Variants in FRMD5 observed in about 807,000 individuals in gnomAD.
The protein encoded by FRMD5 is FERM domain containing 5.
Under a neutral mutation model 69.0 loss-of-function variants are expected in FRMD5, and 20 were observed. The observed-to-expected ratio is 0.29, with a 90% CI of 0.20 to 0.42. The LOEUF (loss-of-function observed/expected upper bound fraction) is 0.42, where lower values mean the gene tolerates loss of function less well. Among genes scored for constraint, FRMD5 ranks in the 10% least tolerant of loss-of-function variants. FRMD5 has a pLI of 1.00. For synonymous variants in FRMD5, 271 were observed against 260.1 expected, an observed-to-expected ratio of 1.04 and a Z score of -0.40; for missense variants, 595 against 708.6, an observed-to-expected ratio of 0.84 and a Z score of 1.82.
rs144117548 is a variant in FRMD5 at position 44,112,716 on chromosome 15, C to T, written c.102+82237G>A. ...TCATCGAGACCTCATGATCCACCCACCTCGGCCTCCCAAAGTGCTAGGATT... is the reference window on the plus strand; with the variant it reads ...TCATCGAGACCTCATGATCCACCCATCTCGGCCTCCCAAAGTGCTAGGATT... On this transcript the variant is annotated intron_variant, in intron 1 of 13. Coordinates refer to ENST00000417257, the MANE Select transcript of FRMD5 (RefSeq NM_032892.5). Among the ~76,000 whole-genome samples the T allele has an allele frequency of 7.3e-3, 1,111 of 152,214 alleles. 14 individuals are homozygous for T. Among genetic ancestry groups the T allele is most frequent in the African/African-American group, 0.026 (1,068 of 41,518 alleles).
At position 43,873,431 on chromosome 15, in the gene FRMD5, G is replaced by C; in HGVS notation, c.*454C>G. ...GCAGTGATGAGTCTACTGGAACCCA[G>C]TGGCACCAGCAGGAAAAGCTCCTGC... On this transcript the variant is annotated 3_prime_UTR_variant, in exon 14 of 14. Coordinates refer to ENST00000417257, the MANE Select transcript of FRMD5 (RefSeq NM_032892.5). The C allele has an allele frequency of 1.4e-6, 2 of 1,433,366 alleles. No homozygotes were observed. The allele number at this position is 1,433,366 out of a possible 1,614,324, so 88.8% of individuals were successfully genotyped here. A position where few individuals can be genotyped will look rare whatever the true frequency, so the allele number is the denominator to read the frequency against.
At chr15:43,965,071 T>C (rs2090271031) in intron 1 of FRMD5, among the ~76,000 whole-genome samples, 1 of 152,220 alleles carries the variant, frequency 6.6e-6, no homozygotes, top group Admixed American at 6.5e-5. Flanking sequence ...GGATAGAGCA[T>C]GGCCTGGGGA....
At chr15:43,899,634 A>G (rs1375417358) in intron 7 of FRMD5, among the ~76,000 whole-genome samples, 1 of 152,110 alleles carries the variant, frequency 6.6e-6, no homozygotes, top group Non-Finnish European at 1.5e-5. Flanking sequence ...CATACCACAA[A>G]CATCTCTTCT....
At chr15:44,130,270 A>G (rs1320184797) in intron 1 of FRMD5, among the ~76,000 whole-genome samples, 1 of 152,186 alleles carries the variant, frequency 6.6e-6, no homozygotes, top group Admixed American at 6.5e-5. Flanking sequence ...GGATTCGCCC[A>G]CTAGTCTGGG....
At chr15:43,986,838 T>C (rs767217535) in intron 1 of FRMD5, among the ~76,000 whole-genome samples, 14 of 152,096 alleles carry the variant, frequency 9.2e-5, no homozygotes, top group Non-Finnish European at 1.8e-4. Flanking sequence ...GTAGCAAGCC[T>C]GCATTGAGCA....
At chr15:43,993,357 T>G (rs1183880743) in intron 1 of FRMD5, among the ~76,000 whole-genome samples, 1 of 152,156 alleles carries the variant, frequency 6.6e-6, no homozygotes, top group African/African-American at 2.4e-5. Context: ...CATGCCCGGC[T>G]AATTTTTTTG....
chr15:43,936,149 C>G (rs540590516), intron 1 of FRMD5, among the ~76,000 whole-genome samples: 2 of 152,324 alleles, frequency 1.3e-5, no homozygotes, highest in African/African-American at 4.8e-5. Context: ...TGGTTCACAG[C>G]CCAGTGCCCT....
chr15:44,120,268 G>C (rs573983423), intron 1 of FRMD5, among the ~76,000 whole-genome samples: 1 of 152,154 alleles, frequency 6.6e-6, no homozygotes, highest in Admixed American at 6.5e-5. Flanking sequence ...GAATAGGAAA[G>C]AACTGTCTAG....
intron 1 of FRMD5, among the ~76,000 whole-genome samples, chr15:44,151,352 G>A (rs1157905833): frequency 2.0e-5 from 3 of 148,420 alleles, no homozygotes; most frequent in African/African-American, 5.0e-5. Flanking sequence ...AGCCAAGATC[G>A]CGCCACTGCA....
rs113684905 is a variant in FRMD5 at position 44,029,776 on chromosome 15, C to T, written c.103-105467G>A. Among the ~76,000 whole-genome samples, 1,042 of 152,194 alleles carry T rather than the reference C, an allele frequency of 6.8e-3. 14 individuals carry two copies. Among genetic ancestry groups the T allele is most frequent in the African/African-American group, 0.024 (993 of 41,512 alleles). On this transcript the variant is annotated intron_variant, in intron 1 of 13. Coordinates refer to ENST00000417257, the MANE Select transcript of FRMD5 (RefSeq NM_032892.5). ...AAACAGAACAGATGCTTAGAGATTC[C>T]GATTCAGTAGGTCTGGGGTGGAGCA...
chr15:44,006,124 G>T (rs930168714), intron 1 of FRMD5, among the ~76,000 whole-genome samples: 4 of 152,178 alleles, frequency 2.6e-5, no homozygotes, highest in African/African-American at 9.7e-5. Context: ...GGATAATGCA[G>T]CTGGTGACTT....
intron 1 of FRMD5, among the ~76,000 whole-genome samples, chr15:44,192,092 C>G (rs2078206983): frequency 6.6e-6 from 1 of 151,878 alleles, no homozygotes; most frequent in Admixed American, 6.6e-5. Flanking sequence ...TGTATACTTT[C>G]ATTTCTCATG....
rs2076867360 is a variant in FRMD5, at chr15:44,116,268, T to G, written c.102+78685A>C. Among the ~76,000 whole-genome samples, 4 of 151,594 alleles carry G rather than the reference T, an allele frequency of 2.6e-5. No individual in the cohort carries two copies. In the South Asian group the frequency reaches 6.3e-4, roughly 24 times the overall value. On this transcript the variant is annotated intron_variant, in intron 1 of 13. Coordinates refer to ENST00000417257, the MANE Select transcript of FRMD5 (RefSeq NM_032892.5). ...GGAGAGTTTTGTTTTGTTTTGTTTT[T>G]AAGAGACAGGGTCTGGCTGTTTCAC...
chr15:43,931,780 T>C (rs927741930), intron 1 of FRMD5, among the ~76,000 whole-genome samples: 5 of 152,238 alleles, frequency 3.3e-5, no homozygotes, highest in Admixed American at 6.5e-5. Context: ...TGATGGATCC[T>C]GAGGTAGACA....
At chr15:44,071,342 A>G (rs1273990383) in intron 1 of FRMD5, among the ~76,000 whole-genome samples, 1 of 152,126 alleles carries the variant, frequency 6.6e-6, no homozygotes, top group Non-Finnish European at 1.5e-5. Flanking sequence ...GAGGAAGATC[A>G]TCGGATCCCA....
At chr15:43,939,578 G>C (rs1382732747) in intron 1 of FRMD5, among the ~76,000 whole-genome samples, 1 of 151,718 alleles carries the variant, frequency 6.6e-6, no homozygotes. Flanking sequence ...ATCTTTTTGA[G>C]ATAGGTTCTC....
At chr15:43,972,295 C>G (rs752128407) in intron 1 of FRMD5, among the ~76,000 whole-genome samples, 1 of 151,854 alleles carries the variant, frequency 6.6e-6, no homozygotes, top group Admixed American at 6.6e-5. Flanking sequence ...TTAGGGAGGC[C>G]TTTAAATGCA....
chr15:43,875,824 T>C (rs2088334518), intron 13 of FRMD5: 2 of 401,938 alleles, frequency 5.0e-6, no homozygotes, highest in African/African-American at 2.2e-5. Flanking sequence ...TTTTTTTTTT[T>C]TTTCTTTCAG....
intron 1 of FRMD5, among the ~76,000 whole-genome samples, chr15:43,978,500 C>T (rs777774833): frequency 1.2e-4 from 19 of 152,202 alleles, no homozygotes; most frequent in Middle Eastern, 3.4e-3. Flanking sequence ...ATTTCATGAT[C>T]GAGGTGATGT....
Sources: allele counts gnomAD v4.1 joint callset (sites outside exome capture counted in the v4.1 genomes callset), GRCh38; gene constraint gnomAD v4.1.1; transcripts MANE v1.5; gene names NCBI Gene and HGNC (gene_info 2026-07-23, HGNC 2026-07-21).